Variants in NCAM1 observed in about 807,000 individuals in gnomAD.
NCAM1 encodes antigen recognized by monoclonal antibody 5.1H11.
In NCAM1, 14 loss-of-function variants were observed where a neutral mutation model predicts 109.8. The ratio of observed to expected loss-of-function variants is 0.13; its 90% CI spans 0.08 to 0.20. NCAM1 has a LOEUF of 0.20. NCAM1 is among the 10% of genes least tolerant of loss of function. NCAM1 has a pLI of 1.00. For missense variants in NCAM1, 774 were observed against 1,109.9 expected (o/e 0.70, Z 4.30); for synonymous variants, 418 against 442.9 (o/e 0.94, Z 0.70).
chr11:113,252,805 T>TA (rs1178748667), intron 15 of NCAM1, among the ~76,000 whole-genome samples: 24 of 126,600 alleles, frequency 1.9e-4, no homozygotes, highest in African/African-American at 7.5e-4. Context: ...CCAGCTTTTT[T>TA]TTTTTTTTTT....
At chr11:113,071,421 ATTTTTTTTTT>A (rs66821824) in intron 1 of NCAM1, among the ~76,000 whole-genome samples, 1 of 127,672 alleles carries the variant, frequency 7.8e-6, no homozygotes, top group South Asian at 2.5e-4. Context: ...TGTTGGTTGG[ATTTTTTTTTT>A]TTTTTTTTTT....
At chr11:113,147,977 T>C (rs1942077484) in intron 1 of NCAM1, among the ~76,000 whole-genome samples, 1 of 152,262 alleles carries the variant, frequency 6.6e-6, no homozygotes, top group South Asian at 2.1e-4. Context: ...TAAAATACTA[T>C]GTGTGAAAAC....
At chr11:113,230,028 C>T (rs549671877) in intron 9 of NCAM1, among the ~76,000 whole-genome samples, 6 of 151,544 alleles carry the variant, frequency 4.0e-5, no homozygotes, top group South Asian at 2.1e-4. Context: ...CACATGTATA[C>T]GTATGTAACA....
chr11:112,961,901 C>T (rs1386607753), intron 1 of NCAM1, among the ~76,000 whole-genome samples: 2 of 152,120 alleles, frequency 1.3e-5, no homozygotes, highest in African/African-American at 4.8e-5. Flanking sequence ...CCCTCCGGCG[C>T]GTCCGCCCTT....
At position 113,275,559 on chromosome 11, in the gene NCAM1, A is replaced by T; in HGVS notation, c.*172A>T. ...CCTTTAAAAAAAACTAAACAGATAA[A>T]ACATGGGAATCTCCTTTTTGTAGGT... On this transcript the variant is annotated 3_prime_UTR_variant, in exon 20 of 20. Transcript: ENST00000316851. 2.5e-6 allele frequency: 2 copies of T among 794,744 alleles called. No individual in the cohort carries two copies. Among genetic ancestry groups the T allele is most frequent in the Non-Finnish European group, 3.7e-6 (2 of 537,600 alleles). The allele number at this position is 794,744 out of a possible 1,614,324, so 49.2% of individuals were successfully genotyped here. A position where few individuals can be genotyped will look rare whatever the true frequency, so the allele number is the denominator to read the frequency against.
intron 14 of NCAM1, chr11:113,243,637 T>C (rs781850204): frequency 1.9e-6 from 1 of 517,602 alleles, no homozygotes; most frequent in South Asian, 1.4e-5. Context: ...GTGGAGGACC[T>C]GAATCTCCTG....
At chr11:113,269,888 G>T (rs1425927362) in intron 17 of NCAM1, 3 of 457,482 alleles carry the variant, frequency 6.6e-6, no homozygotes, top group Non-Finnish European at 1.2e-5. Context: ...TCATTATCCG[G>T]TGTTCTCAGA....
intron 1 of NCAM1, among the ~76,000 whole-genome samples, chr11:113,169,698 G>T (rs1942928951): frequency 1.3e-5 from 2 of 150,130 alleles, no homozygotes; most frequent in South Asian, 4.3e-4. Context: ...TGCGATCTCG[G>T]CTCACTGCAA....
intron 9 of NCAM1, among the ~76,000 whole-genome samples, chr11:113,222,583 C>G (rs1304494602): frequency 1.3e-5 from 2 of 152,142 alleles, no homozygotes; most frequent in South Asian, 2.1e-4. Context: ...GCTTTATTGT[C>G]CAAAAGTCAT....
At chr11:113,076,719 A>G (rs1938542807) in intron 1 of NCAM1, among the ~76,000 whole-genome samples, 1 of 152,238 alleles carries the variant, frequency 6.6e-6, no homozygotes, top group South Asian at 2.1e-4. Context: ...GGAAAAAAAT[A>G]TAACAGATTT....
intron 1 of NCAM1, among the ~76,000 whole-genome samples, chr11:113,010,865 A>G (rs972740613): frequency 1.5e-4 from 23 of 152,192 alleles, no homozygotes; most frequent in African/African-American, 5.3e-4. Context: ...GACAGTAGCT[A>G]TTGTAGAATT....
chr11:113,125,631 G>GT lies in NCAM1; in HGVS notation c.53-76747dup, dbSNP rs568288213. ...AAACCACTGTTTGAGTCAGCCAAAG[G>GT]TGGGCGGTCTGCTCAGAGCCCGCTG... is the stretch of plus-strand genomic sequence containing the variant. On this transcript the variant is annotated intron_variant, in intron 1 of 19. Transcript: ENST00000316851. Among the ~76,000 whole-genome samples, 320 of 152,308 alleles carry GT rather than the reference G, an allele frequency of 2.1e-3. 1 individual carries two copies. The highest frequency in any genetic ancestry group is 7.4e-3 in the African/African-American group (306 of 41,574).
At chr11:112,985,302 T>A (rs1555069435) in intron 1 of NCAM1, among the ~76,000 whole-genome samples, 1 of 151,752 alleles carries the variant, frequency 6.6e-6, no homozygotes, top group Non-Finnish European at 1.5e-5. Context: ...TATCACTTTG[T>A]AGTAGATTTT....
intron 7 of NCAM1, among the ~76,000 whole-genome samples, chr11:113,209,612 G>A (rs1164097036): frequency 6.6e-6 from 1 of 152,184 alleles, no homozygotes; most frequent in East Asian, 1.9e-4. Flanking sequence ...AGCACAAAGA[G>A]GGAGATAAAT....
At chr11:113,139,215 A>G (rs564385867) in intron 1 of NCAM1, among the ~76,000 whole-genome samples, 1 of 152,232 alleles carries the variant, frequency 6.6e-6, no homozygotes, top group Non-Finnish European at 1.5e-5. Context: ...GTATTGACTG[A>G]TTATTACTGG....
chr11:113,164,666 A>G (rs367575350), intron 1 of NCAM1, among the ~76,000 whole-genome samples: 1 of 152,216 alleles, frequency 6.6e-6, no homozygotes, highest in Admixed American at 6.5e-5. Context: ...TACTCAGGGC[A>G]AGGTGTGTGG....
At chr11:113,051,049 A>G (rs573706081) in intron 1 of NCAM1, among the ~76,000 whole-genome samples, 1 of 152,210 alleles carries the variant, frequency 6.6e-6, no homozygotes, top group Non-Finnish European at 1.5e-5. Flanking sequence ...TAGGGAACCC[A>G]TGGACTAGCT....
chr11:113,235,069 A>C lies in NCAM1; in HGVS notation c.1730A>C (p.Lys577Thr). The C allele has an allele frequency of 3.8e-6, 6 of 1,578,382 alleles. No homozygotes were observed. Among genetic ancestry groups the C allele is most frequent in the Non-Finnish European group, 5.2e-6 (6 of 1,161,932 alleles). ...GGCATCGTCACCATCGTGGGCCTGA[A>C]GCCCGAAACAACGTACGCCGTAAGG... ...MEGIVTIVGL[K>T]PETTYAVRLA... The change falls in exon 14 of 20, where the codon AAG (lysine) becomes ACG (threonine). Residue 577 changes from lysine (K) to threonine (T), a missense_variant. Lys to Thr is a moderately conservative substitution (Grantham distance 78). This residue lies in a region of NCAM1 where 523 missense variants were observed against 784.2 expected (regional missense o/e 0.67). Transcript: ENST00000316851.
intron 1 of NCAM1, among the ~76,000 whole-genome samples, chr11:113,000,042 A>G (rs1951701498): frequency 6.6e-6 from 1 of 152,228 alleles, no homozygotes; most frequent in African/African-American, 2.4e-5. Flanking sequence ...TACACAGACG[A>G]AAGAGTGTGC....
Sources: allele counts gnomAD v4.1 joint callset (sites outside exome capture counted in the v4.1 genomes callset), GRCh38; gene constraint gnomAD v4.1.1; regional missense constraint gnomAD v4.1.1; transcripts MANE v1.5; gene names NCBI Gene and HGNC (gene_info 2026-07-23, HGNC 2026-07-21).